MYO9B: variants seen among roughly 807,000 people sequenced by gnomAD.
MYO9B encodes myosin IXB, also known as unconventional myosin-IXb.
In MYO9B, 71 loss-of-function variants were observed where a neutral mutation model predicts 229.5. The observed-to-expected ratio is 0.31, with a 90% CI of 0.26 to 0.38. The LOEUF is 0.38. Ranked by LOEUF, MYO9B falls within the 10% of genes least tolerant of loss-of-function variation. The pLI, the probability that MYO9B is intolerant of heterozygous loss-of-function variation, is 1.00. For missense variants in MYO9B, 2,255 were observed against 2,920.5 expected (o/e 0.77, Z 5.25); for synonymous variants, 1,185 against 1,235.8 (o/e 0.96, Z 0.86).
In MYO9B at chr19:17,212,124, C is replaced by G; in HGVS notation, c.6288C>G (p.Arg2096=). 6.3e-7 allele frequency: 1 copy of G among 1,589,484 alleles called. No homozygotes were observed. Among genetic ancestry groups the G allele is most frequent in the Non-Finnish European group, 8.6e-7 (1 of 1,169,376 alleles). ...GGGAGGCGGCTGCCCCAGTGCGGCG[C>G]CGGGAGCCACCTGCCCGCCGCCCGG... ...GAREAAAPVR[R]REPPARRPDQ... Residue 2096 remains arginine, a synonymous_variant, in exon 40 of 40, where the codon CGC becomes CGG. Coordinates refer to ENST00000682292, the MANE Select transcript of MYO9B (RefSeq NM_004145.4). This position sits in a 1 kb window ranked among gnomAD's most constrained non-coding sequence, Gnocchi z 5.4.
At chr19:17,100,004 CCCAGCT>C (rs1163870683) in intron 1 of MYO9B, among the ~76,000 whole-genome samples, 1 of 151,216 alleles carries the variant, frequency 6.6e-6, no homozygotes, top group African/African-American at 2.4e-5. Context: ...TGCCTGTAAT[CCCAGCT>C]ACTTGGGAGG....
intron 36 of MYO9B, 104 bp downstream of exon 36, chr19:17,209,813 G>A: frequency 7.0e-7 from 1 of 1,435,044 alleles, no homozygotes; most frequent in Non-Finnish European, 9.3e-7. Context: ...CTGGTGAGTG[G>A]GGTCTTGGTG....
In MYO9B at chr19:17,102,192, G is replaced by A. The variant is rs1372442315; in HGVS notation, c.475G>A (p.Glu159Lys). The A allele has an allele frequency of 3.1e-6, 5 of 1,613,880 alleles. No individual in the cohort carries two copies. The highest frequency in any genetic ancestry group is 4.2e-6 in the Non-Finnish European group (5 of 1,179,870). Reference protein sequence around the residue: ...DDLCNLPELTEGNLLKNLKHR... With the variant: ...DDLCNLPELTKGNLLKNLKHR... ...CCTGTGTAACCTCCCCGAGCTAACC[G>A]AGGGCAACCTCCTGAAGAACCTCAA... The change falls in exon 2 of 40, where the codon GAG becomes AAG. Residue 159 changes from glutamate to lysine, a missense_variant. By Grantham distance (56) the Glu-to-Lys change is moderately conservative. This residue lies in a region of MYO9B where 386 missense variants were observed against 515.2 expected (regional missense o/e 0.75). Transcript: ENST00000682292.
At chr19:17,210,451 C>T in intron 37 of MYO9B, 71 bp downstream of exon 37, 1 of 1,474,624 alleles carries the variant, frequency 6.8e-7, no homozygotes. Flanking sequence ...CCCTGGGGCC[C>T]TGGGCCCCTC....
Position 17,195,563 on chromosome 19 carries a change from G to A in MYO9B, c.4046+90G>A. 1 of 1,461,650 alleles carries A rather than the reference G, an allele frequency of 6.8e-7. No individual in the cohort carries two copies. The highest frequency in any genetic ancestry group is 1.2e-5 in the South Asian group (1 of 80,180). The allele number at this position is 1,461,650 out of a possible 1,614,324, so 90.5% of individuals were successfully genotyped here. Reference sequence around the variant, plus strand: ...AGTGCCACACATCCTGGAAACACATGTGTAATCATGCCCAGTGGGTGTGCG... The same window carrying A: ...AGTGCCACACATCCTGGAAACACATATGTAATCATGCCCAGTGGGTGTGCG... On this transcript the variant is annotated intron_variant, in intron 22 of 39. Transcript: ENST00000682292. This position sits in a 1 kb window ranked among gnomAD's most constrained non-coding sequence, Gnocchi z 4.5.
At chr19:17,196,521 A>G (rs906946412) in intron 22 of MYO9B, among the ~76,000 whole-genome samples, 11 of 152,088 alleles carry the variant, frequency 7.2e-5, no homozygotes, top group Non-Finnish European at 2.9e-5. Context: ...TGTCTCTACT[A>G]AAAATACAAA....
intron 13 of MYO9B, among the ~76,000 whole-genome samples, chr19:17,173,934 T>C (rs1184678737): frequency 6.6e-6 from 1 of 151,518 alleles, no homozygotes; most frequent in Admixed American, 6.6e-5. Flanking sequence ...AAAGCTTTCC[T>C]GAGAAATAGG....
chr19:17,161,898 A>G (rs1451433952), intron 8 of MYO9B, among the ~76,000 whole-genome samples: 1 of 150,366 alleles, frequency 6.7e-6, no homozygotes, highest in Non-Finnish European at 1.5e-5. Flanking sequence ...TGAGGCAGGA[A>G]GATTGCTTGA....
At chr19:17,095,143 T>C (rs1428107052) in intron 1 of MYO9B, among the ~76,000 whole-genome samples, 1 of 152,014 alleles carries the variant, frequency 6.6e-6, no homozygotes, top group Non-Finnish European at 1.5e-5. Context: ...GAAGGGAGGC[T>C]GAGGCAGGAG....
At position 17,145,083 on chromosome 19, in the gene MYO9B, G is replaced by A. The variant is rs867011474; in HGVS notation, c.841-314G>A. Among the ~76,000 whole-genome samples, 60 of 151,904 alleles carry A rather than the reference G, an allele frequency of 3.9e-4. No homozygotes were observed. The Middle Eastern group carries it at 0.014, about 34-fold the overall frequency. ...GCCTGAACTCAGGAGTTCTACGTCA[G>A]CCTGGACAACATGGTGAAACCCCGT... On this transcript the variant is annotated intron_variant, in intron 2 of 39. Coordinates refer to ENST00000682292, the MANE Select transcript of MYO9B (RefSeq NM_004145.4).
At position 17,210,319 on chromosome 19, in the gene MYO9B, C is replaced by T. The variant is rs80267276; in HGVS notation, c.5749-14C>T. ...TTGGCCCGTGTGGTCACCCTGTGTT[C>T]ATCTCTCTCCCAGCCATGGCCTCTC... On this transcript the variant is annotated splice_polypyrimidine_tract_variant and intron_variant, in intron 36 of 39. Transcript: ENST00000682292. 2.6e-3 allele frequency: 4,095 copies of T among 1,590,738 alleles called. 75 individuals are homozygous for T. In the African/African-American group the frequency reaches 0.05, roughly 19 times the overall value.
At chr19:17,120,638 C>CAAAAA in intron 2 of MYO9B, among the ~76,000 whole-genome samples, 1 of 86,982 alleles carries the variant, frequency 1.1e-5, no homozygotes, top group Non-Finnish European at 2.2e-5. Flanking sequence ...GACTCTGTCT[C>CAAAAA]AAAAAAAAAA....
intron 2 of MYO9B, among the ~76,000 whole-genome samples, chr19:17,123,763 G>C (rs920204259): frequency 6.6e-6 from 1 of 152,150 alleles, no homozygotes; most frequent in Admixed American, 6.6e-5. Flanking sequence ...GCTTGGTTGA[G>C]TAGATAGAAA....
In MYO9B at chr19:17,152,882, G is replaced by A. The variant is rs559918037; in HGVS notation, c.998+176G>A. On this transcript the variant is annotated intron_variant, in intron 4 of 39. Coordinates refer to ENST00000682292, the MANE Select transcript of MYO9B (RefSeq NM_004145.4). The stretch of plus-strand genomic sequence containing the variant: ...TCTTCTCCCCAGACCTGCCCCTGTG[G>A]CCTCACACTTTGTCCTCATACCTCC... 99 of 600,710 alleles carry A rather than the reference G, an allele frequency of 1.6e-4. No homozygotes were observed. The African/African-American group carries it at 1.7e-3, about 10-fold the overall frequency. The allele number at this position is 600,710 out of a possible 1,614,324, so 37.2% of individuals were successfully genotyped here. A position where few individuals can be genotyped will look rare whatever the true frequency, so the allele number is the denominator to read the frequency against.
chr19:17,158,200 C>T (rs773927670), intron 7 of MYO9B, among the ~76,000 whole-genome samples: 7 of 152,214 alleles, frequency 4.6e-5, no homozygotes, highest in Admixed American at 6.5e-5. Flanking sequence ...TTATGCTTTG[C>T]GTTCCATTAT....
chr19:17,165,106 G>A (rs1377844968), intron 10 of MYO9B, among the ~76,000 whole-genome samples: 1 of 152,110 alleles, frequency 6.6e-6, no homozygotes, highest in Non-Finnish European at 1.5e-5. Context: ...CTGGCCTCAA[G>A]TGATCCTCCC....
intron 19 of MYO9B, among the ~76,000 whole-genome samples, chr19:17,190,637 CAAA>C (rs576678289): frequency 9.2e-6 from 1 of 108,960 alleles, no homozygotes; most frequent in Non-Finnish European, 2.0e-5. Flanking sequence ...GACCCCGTCT[CAAA>C]AAAAAAAAAA....
At chr19:17,181,064 C>T (rs751717180) in intron 15 of MYO9B, 24 bp downstream of exon 15, 1 of 1,535,416 alleles carries the variant, frequency 6.5e-7, no homozygotes, top group Non-Finnish European at 8.9e-7. Flanking sequence ...CAAGGCCCTG[C>T]TTACAAGTGC....
intron 2 of MYO9B, among the ~76,000 whole-genome samples, chr19:17,141,363 G>A (rs1024937130): frequency 1.1e-4 from 16 of 152,146 alleles, no homozygotes; most frequent in African/African-American, 3.1e-4. Flanking sequence ...TCAAATGGGA[G>A]CATCACTGCT....
Sources: allele counts gnomAD v4.1 joint callset (sites outside exome capture counted in the v4.1 genomes callset), GRCh38; gene constraint gnomAD v4.1.1; regional missense constraint gnomAD v4.1.1; non-coding constraint Gnocchi (gnomAD v3.1); transcripts MANE v1.5; gene names NCBI Gene and HGNC (gene_info 2026-07-23, HGNC 2026-07-21).